The following GRID2 variants were observed in gnomAD, a reference collection of about 807,000 sequenced individuals.
GRID2 encodes the protein glutamate ionotropic receptor delta type subunit 2.
Under a neutral mutation model 114.8 loss-of-function variants are expected in GRID2, and 33 were observed. The observed-to-expected ratio is 0.29, with a 90% CI of 0.22 to 0.38. The LOEUF is 0.38. GRID2 is among the 10% of genes least tolerant of loss of function. The pLI is 1.00. For synonymous variants in GRID2, 505 were observed against 449.9 expected, an observed-to-expected ratio of 1.12 and a Z score of -1.55; for missense variants, 1,184 against 1,257.7, an observed-to-expected ratio of 0.94 and a Z score of 0.89.
At chr4:92,462,746 GAATC>G (rs981614276) in intron 1 of GRID2, among the ~76,000 whole-genome samples, 1 of 151,866 alleles carries the variant, frequency 6.6e-6, no homozygotes, top group African/African-American at 2.4e-5. Flanking sequence ...AGACACTTCT[GAATC>G]AATATCATTG....
rs201919003 is a variant in GRID2, at chr4:93,455,832, C to G, written c.1716C>G (p.Cys572Trp). ...CATTTGATCTCTCTCTATGGGCTTG[C>G]ATTGCTGGCACAGTCCTTCTGGTGG... ...LAPFDLSLWA[C>W]IAGTVLLVGL... The change falls in exon 11 of 16, where the codon TGC (cysteine) becomes TGG (tryptophan). Residue 572 changes from cysteine (C) to tryptophan (W), a missense_variant. By Grantham distance (215) the Cys-to-Trp change is radical. Around this residue, in one of 3 missense-constraint regions of GRID2, gnomAD observed 717 missense variants for 796.9 expected, o/e 0.90. Coordinates refer to ENST00000282020, the MANE Select transcript of GRID2 (RefSeq NM_001510.4). 6.2e-7 allele frequency: 1 copy of G among 1,613,282 alleles called. No individual in the cohort carries two copies. The highest frequency in any genetic ancestry group is 8.5e-7 in the Non-Finnish European group (1 of 1,179,272).
At chr4:92,688,560 C>T (rs889614907) in intron 2 of GRID2, among the ~76,000 whole-genome samples, 1 of 152,182 alleles carries the variant, frequency 6.6e-6, no homozygotes, top group African/African-American at 2.4e-5. Flanking sequence ...ACCATTGTTT[C>T]CTTTTTTTGT....
chr4:93,250,243 G>A (rs1748709582), intron 8 of GRID2, among the ~76,000 whole-genome samples: 1 of 152,020 alleles, frequency 6.6e-6, no homozygotes, highest in South Asian at 2.1e-4. Flanking sequence ...ACTAACGCAG[G>A]AACAGAAAAC....
chr4:92,467,309 T>C (rs186153566), intron 1 of GRID2, among the ~76,000 whole-genome samples: 32 of 152,096 alleles, frequency 2.1e-4, no homozygotes, highest in African/African-American at 7.0e-4. Context: ...ACACCTTATA[T>C]ATTATGTATT....
At chr4:93,001,828 T>A (rs1482805177) in intron 2 of GRID2, among the ~76,000 whole-genome samples, 2 of 151,796 alleles carry the variant, frequency 1.3e-5, no homozygotes, top group Non-Finnish European at 3.0e-5. Context: ...TAAGCAAAAT[T>A]TTCAATTTTC....
chr4:92,899,393 C>T (rs1747400565), intron 2 of GRID2, among the ~76,000 whole-genome samples: 1 of 152,100 alleles, frequency 6.6e-6, no homozygotes, highest in African/African-American at 2.4e-5. Context: ...TCCAACAAGG[C>T]ATATTCTGAG....
intron 2 of GRID2, among the ~76,000 whole-genome samples, chr4:92,825,645 T>C (rs1395020268): frequency 1.3e-5 from 2 of 152,132 alleles, no homozygotes; most frequent in Non-Finnish European, 2.9e-5. Context: ...TAAAGGTGGA[T>C]ATTTTAGTAA....
intron 8 of GRID2, among the ~76,000 whole-genome samples, chr4:93,308,835 CAG>C (rs1755711215): frequency 6.6e-6 from 1 of 152,134 alleles, no homozygotes; most frequent in South Asian, 2.1e-4. Context: ...ATGAAGTCAA[CAG>C]AGTATAAAAT....
At chr4:92,622,394 A>C (rs973052164) in intron 2 of GRID2, among the ~76,000 whole-genome samples, 1 of 151,648 alleles carries the variant, frequency 6.6e-6, no homozygotes, top group Non-Finnish European at 1.5e-5. Context: ...ATTCTCTTGG[A>C]GTGGATGCTC....
chr4:92,947,372 C>A (rs982021894), intron 2 of GRID2, among the ~76,000 whole-genome samples: 1 of 151,878 alleles, frequency 6.6e-6, no homozygotes, highest in Non-Finnish European at 1.5e-5. Context: ...CAAAATAATG[C>A]AGTTCTTCCC....
chr4:93,128,258 A>T (rs945042018), intron 4 of GRID2, among the ~76,000 whole-genome samples: 2 of 152,052 alleles, frequency 1.3e-5, no homozygotes, highest in African/African-American at 4.8e-5. Context: ...GGTCAGGATT[A>T]TGGATTTTTG....
chr4:93,057,086 A>G (rs1727318691), intron 2 of GRID2, among the ~76,000 whole-genome samples: 3 of 151,974 alleles, frequency 2.0e-5, no homozygotes, highest in South Asian at 4.1e-4. Context: ...ACAGCTCTAT[A>G]TAATTGAAGA....
At chr4:92,649,548 A>G (rs1048001684) in intron 2 of GRID2, among the ~76,000 whole-genome samples, 1 of 151,920 alleles carries the variant, frequency 6.6e-6, no homozygotes, top group Admixed American at 6.6e-5. Flanking sequence ...AGGCACACCT[A>G]CAAGTAATGT....
intron 1 of GRID2, among the ~76,000 whole-genome samples, chr4:92,457,662 CATT>C (rs1721283892): frequency 6.6e-6 from 1 of 152,014 alleles, no homozygotes; most frequent in Admixed American, 6.6e-5. Flanking sequence ...GGGACAGGAA[CATT>C]ATATGTGTAG....
chr4:93,693,661 G>A (rs904511255), intron 14 of GRID2, among the ~76,000 whole-genome samples: 2 of 152,124 alleles, frequency 1.3e-5, no homozygotes, highest in Non-Finnish European at 2.9e-5. Flanking sequence ...TTGAAGTGCT[G>A]TGGTAAATTA....
chr4:93,598,780 T>C (rs1269879378), intron 13 of GRID2, among the ~76,000 whole-genome samples: 1 of 152,194 alleles, frequency 6.6e-6, no homozygotes, highest in Non-Finnish European at 1.5e-5. Flanking sequence ...TAGCTTTCTG[T>C]TTCTGTTTCT....
At chr4:92,597,828 C>T (rs1045549597) in intron 2 of GRID2, among the ~76,000 whole-genome samples, 1 of 152,180 alleles carries the variant, frequency 6.6e-6, no homozygotes, top group Non-Finnish European at 1.5e-5. Context: ...CATTTACCTA[C>T]ACTCGCAGTT....
intron 1 of GRID2, among the ~76,000 whole-genome samples, chr4:92,346,031 A>C (rs562700686): frequency 6.6e-6 from 1 of 152,216 alleles, no homozygotes; most frequent in Non-Finnish European, 1.5e-5. Context: ...CAAAAAGCAT[A>C]ATCTGAACAA....
chr4:92,996,829 G>C (rs1337958502), intron 2 of GRID2, among the ~76,000 whole-genome samples: 1 of 152,082 alleles, frequency 6.6e-6, no homozygotes, highest in Admixed American at 6.6e-5. Flanking sequence ...GTGTCAGGCT[G>C]GCAGCAAATG....
Sources: allele counts gnomAD v4.1 joint callset (sites outside exome capture counted in the v4.1 genomes callset), GRCh38; gene constraint gnomAD v4.1.1; regional missense constraint gnomAD v4.1.1; transcripts MANE v1.5; gene names NCBI Gene and HGNC (gene_info 2026-07-23, HGNC 2026-07-21).